AP3B2: variants seen among roughly 807,000 people sequenced by gnomAD.
AP3B2 encodes adaptor related protein complex 3 subunit beta 2, also known as AP-3 complex subunit beta-2.
AP3B2 carries 50 observed loss-of-function variants against 126.9 expected under a neutral mutation model. The observed-to-expected ratio is 0.39, with a 90% CI of 0.31 to 0.50. AP3B2 has a LOEUF of 0.50. Ranked by LOEUF, AP3B2 falls within the 20% of genes least tolerant of loss-of-function variation. The pLI, the probability that AP3B2 is intolerant of heterozygous loss-of-function variation, is 0.79. For synonymous variants in AP3B2, 541 were observed against 565.0 expected (o/e 0.96, Z 0.60); for missense variants, 1,177 against 1,426.4 (o/e 0.83, Z 2.82).
rs1227217372 is a variant in AP3B2 at position 82,663,824 on chromosome 15, G to A, written c.2413C>T (p.Pro805Ser). Reference sequence around the variant, plus strand: ...ACTGTTTTCCTGCTCCAGGAGGCAGGTTCTAACTGCTCCTCCTCGGACTCC... The same window carrying A: ...ACTGTTTTCCTGCTCCAGGAGGCAGATTCTAACTGCTCCTCCTCGGACTCC... ...TSESEEEQLE[P>S]ASWSRKTPPS... is the part of the protein sequence containing the mutation. Residue 805 changes from proline to serine, a missense_variant, in exon 20 of 27, where the codon CCT (proline) becomes TCT (serine). This residue lies in a region of AP3B2 where 587 missense variants were observed against 571.3 expected (regional missense o/e 1.03). Transcript: ENST00000535359. 3 of 1,613,574 alleles carry A rather than the reference G, an allele frequency of 1.9e-6. No individual in the cohort carries two copies. Among genetic ancestry groups the A allele is most frequent in the African/African-American group, 2.7e-5 (2 of 74,928 alleles).
rs2048318963 is a variant in AP3B2, at chr15:82,680,493, A to G, written c.1034T>C (p.Val345Ala). Residue 345 changes from valine (V) to alanine (A), a missense_variant, in exon 8 of 27, where the codon GTG becomes GCG. This residue lies in a region of AP3B2 where 308 missense variants were observed against 452.4 expected (regional missense o/e 0.68). Coordinates refer to ENST00000535359, the MANE Select transcript of AP3B2 (RefSeq NM_001278512.2). The surrounding 1 kb of genome is among the most constrained non-coding windows in gnomAD (Gnocchi z 6.1). ...GCACCTGTGGCTGCGCAGCAGGCGC[A>G]CCAGCGCCTTGGCGATGACGCCCAC... The part of the protein sequence containing the change: ...AEVGVIAKAL[V>A]RLLRSHSEVQ... 1 of 1,519,392 alleles carries G rather than the reference A, an allele frequency of 6.6e-7. No individual in the cohort carries two copies. The highest frequency in any genetic ancestry group is 8.8e-7 in the Non-Finnish European group (1 of 1,137,488). The allele number at this position is 1,519,392 out of a possible 1,614,324, so 94.1% of individuals were successfully genotyped here.
Position 82,680,354 on chromosome 15 carries a change from AGTGTG to A in AP3B2, c.1055+113_1055+117del, listed in dbSNP as rs1474997046. On this transcript the variant is annotated intron_variant, in intron 8 of 26. Coordinates refer to ENST00000535359, the MANE Select transcript of AP3B2 (RefSeq NM_001278512.2). This position sits in a 1 kb window ranked among gnomAD's most constrained non-coding sequence, Gnocchi z 6.1. ...CAGTGCGGAGGGCAGGACTACGGTC[AGTGTG>A]GAGCGGGTGGGCAGAGGTGGAAGCG... The A allele has an allele frequency of 2.0e-6, 3 of 1,497,234 alleles. No homozygotes were observed. The highest frequency in any genetic ancestry group is 2.7e-6 in the Non-Finnish European group (3 of 1,111,236). 92.7% of individuals were successfully genotyped at this position (1,497,234 alleles called of 1,614,324 possible).
intron 1 of AP3B2, among the ~76,000 whole-genome samples, chr15:82,708,105 G>GA: frequency 6.6e-6 from 1 of 152,190 alleles, no homozygotes; most frequent in Non-Finnish European, 1.5e-5. Flanking sequence ...TGAAGTAACT[G>GA]AAGAGTGAAA....
At chr15:82,679,984 C>T (rs2048305830) in intron 9 of AP3B2, among the ~76,000 whole-genome samples, 184 bp from the exon 10 acceptor site, 1 of 152,160 alleles carries the variant, frequency 6.6e-6, no homozygotes, top group African/African-American at 2.4e-5. Context: ...TGGACATCCC[C>T]TCAGCGGCCC....
chr15:82,692,747 G>C (rs1425355002), intron 1 of AP3B2: 1 of 152,298 alleles, frequency 6.6e-6, no homozygotes, highest in African/African-American at 2.4e-5. Flanking sequence ...AGCCAGACCT[G>C]TCACTGAACA....
rs2151428566 is a variant in AP3B2, at chr15:82,663,854, T to A, written c.2383A>T (p.Thr795Ser). The change falls in exon 20 of 27, where the codon ACA (threonine) becomes TCA (serine). Residue 795 changes from threonine to serine, a missense_variant. Thr to Ser is a moderately conservative substitution (Grantham distance 58). Coordinates refer to ENST00000535359, the MANE Select transcript of AP3B2 (RefSeq NM_001278512.2). ...AACTGCTCCTCCTCGGACTCCGATG[T>A]CATCTCGGACTCTGATGAGCTACTG... is the stretch of plus-strand genomic sequence containing the variant. The part of the protein sequence containing the change: ...SSSSSSESEM[T>S]SESEEEQLEP... 1 of 1,613,926 alleles carries A rather than the reference T, an allele frequency of 6.2e-7. No individual in the cohort carries two copies. Among genetic ancestry groups the A allele is most frequent in the East Asian group, 2.2e-5 (1 of 44,878 alleles).
At chr15:82,661,403 C>G (rs2047945451) in intron 25 of AP3B2, among the ~76,000 whole-genome samples, 1 of 152,220 alleles carries the variant, frequency 6.6e-6, no homozygotes, top group South Asian at 2.1e-4. Flanking sequence ...AGAGGTTTTG[C>G]AAATTACAGC....
chr15:82,688,682 C>T, intron 4 of AP3B2, 54 bp downstream of exon 4: 2 of 1,509,360 alleles, frequency 1.3e-6, no homozygotes, highest in Non-Finnish European at 9.1e-7. Context: ...GCCTACTCCT[C>T]CGATACAGCG....
Position 82,659,569 on chromosome 15 carries a change from C to T in AP3B2, c.3297G>A (p.Leu1099=). The T allele has an allele frequency of 1.9e-6, 3 of 1,613,794 alleles. No homozygotes were observed. Among genetic ancestry groups the T allele is most frequent in the Non-Finnish European group, 2.5e-6 (3 of 1,179,852 alleles). ...TCACAGCATTTGGAAGTCACTGGGT[C>T]AGAGCCTGTATCACATCCTTTACCA... ...TMLVKDVIQA[L]TQ is the part of the protein sequence containing the mutation. The change falls in exon 27 of 27, where the codon CTG becomes CTA. Residue 1099 remains leucine (L), a synonymous_variant. Coordinates refer to ENST00000535359, the MANE Select transcript of AP3B2 (RefSeq NM_001278512.2).
At chr15:82,698,508 C>T (rs1567274777) in intron 1 of AP3B2, among the ~76,000 whole-genome samples, 3 of 151,668 alleles carry the variant, frequency 2.0e-5, no homozygotes, top group Admixed American at 6.6e-5. Context: ...ACACACATGC[C>T]GCATCACATC....
Position 82,680,358 on chromosome 15 carries a change from T to G in AP3B2, c.1055+114A>C. On this transcript the variant is annotated intron_variant, in intron 8 of 26. Coordinates refer to ENST00000535359, the MANE Select transcript of AP3B2 (RefSeq NM_001278512.2). This position sits in a 1 kb window ranked among gnomAD's most constrained non-coding sequence, Gnocchi z 6.1. ...GCGGAGGGCAGGACTACGGTCAGTG[T>G]GGAGCGGGTGGGCAGAGGTGGAAGC... 8 of 1,487,166 alleles carry G rather than the reference T, an allele frequency of 5.4e-6. No individual in the cohort carries two copies. Among genetic ancestry groups the G allele is most frequent in the Non-Finnish European group, 7.2e-6 (8 of 1,107,142 alleles). 92.1% of individuals were successfully genotyped at this position (1,487,166 alleles called of 1,614,324 possible).
Position 82,664,262 on chromosome 15 carries a change from G to T in AP3B2, c.2261+105C>A. 6.4e-7 allele frequency: 1 copy of T among 1,562,392 alleles called. No homozygotes were observed. On this transcript the variant is annotated intron_variant, in intron 19 of 26. Transcript: ENST00000535359. The surrounding 1 kb of genome is among the most constrained non-coding windows in gnomAD (Gnocchi z 4.5). ...GAGCTGACAGCCCCACCCAGCTCACGAGGGGCTCAGGGGCTCTTAGGAGAC... is the reference window on the plus strand; with the variant it reads ...GAGCTGACAGCCCCACCCAGCTCACTAGGGGCTCAGGGGCTCTTAGGAGAC...
rs543132175 is a variant in AP3B2, at chr15:82,677,319, A to T, written c.1443T>A (p.His481Gln). ...TTGCCAAGTGTTTGATGATCTCTCCATGTTGTGCTGGCTGCATCTGTAGCA... is the reference window on the plus strand; with the variant it reads ...TTGCCAAGTGTTTGATGATCTCTCCTTGTTGTGCTGGCTGCATCTGTAGCA... The part of the protein sequence containing the change: ...KKLLQMQPAQ[H>Q]GEIIKHLAKL... The change falls in exon 13 of 27, where the codon CAT (histidine) becomes CAA (glutamine). Residue 481 changes from histidine (H) to glutamine (Q), a missense_variant. Transcript: ENST00000535359. The T allele has an allele frequency of 1.9e-6, 3 of 1,613,870 alleles. No individual in the cohort carries two copies. The highest frequency in any genetic ancestry group is 2.2e-5 in the South Asian group (2 of 91,040).
intron 14 of AP3B2, among the ~76,000 whole-genome samples, chr15:82,672,247 A>C (rs1435206225): frequency 3.9e-5 from 6 of 152,242 alleles, no homozygotes; most frequent in Admixed American, 1.3e-4. Flanking sequence ...AATACGGTAC[A>C]TATGCACAAT....
At position 82,681,213 on chromosome 15, in the gene AP3B2, C is replaced by G; in HGVS notation, c.522-35G>C. On this transcript the variant is annotated intron_variant, in intron 5 of 26. Transcript: ENST00000535359. The surrounding 1 kb of genome is among the most constrained non-coding windows in gnomAD (Gnocchi z 4.0). ...AAATCGGTGAGGGGAATTTGCCACT[C>G]TCAGCCCCAGCCTTCCCAATATCTG... 6.3e-7 allele frequency: 1 copy of G among 1,592,794 alleles called. No individual in the cohort carries two copies. The highest frequency in any genetic ancestry group is 8.5e-7 in the Non-Finnish European group (1 of 1,169,608).
At chr15:82,706,725 AT>A (rs1414737292) in intron 1 of AP3B2, among the ~76,000 whole-genome samples, 2 of 152,118 alleles carry the variant, frequency 1.3e-5, no homozygotes, top group African/African-American at 4.8e-5. Flanking sequence ...GGCCCATTCT[AT>A]TCTTTCGTCA....
Position 82,661,808 on chromosome 15 carries a change from T to G in AP3B2, c.3016+17A>C, listed in dbSNP as rs2047954982. 10 of 1,600,948 alleles carry G rather than the reference T, an allele frequency of 6.2e-6. No homozygotes were observed. The highest frequency in any genetic ancestry group is 8.5e-6 in the Non-Finnish European group (10 of 1,171,484). On this transcript the variant is annotated intron_variant, in intron 25 of 26. Coordinates refer to ENST00000535359, the MANE Select transcript of AP3B2 (RefSeq NM_001278512.2). The stretch of plus-strand genomic sequence containing the variant: ...CTTCTATACTTCCCTCTCTGCCCAC[T>G]CCCAGGGAGCACTCACCCTGTTCCT...
At position 82,701,852 on chromosome 15, in the gene AP3B2, C is replaced by A. The variant is rs1596198513; in HGVS notation, c.113+7742G>T. Among the ~76,000 whole-genome samples the A allele has an allele frequency of 3.9e-5, 6 of 152,312 alleles. 1 individual carries two copies. The highest frequency in any genetic ancestry group is 3.9e-4 in the Admixed American group (6 of 15,304). Reference sequence around the variant, plus strand: ...CTTTGCCAGAATTTATCTCCCAGGGCAGGAGGTGGGGAATAGAGTAGAAAG... The same window carrying A: ...CTTTGCCAGAATTTATCTCCCAGGGAAGGAGGTGGGGAATAGAGTAGAAAG... On this transcript the variant is annotated intron_variant, in intron 1 of 26. Coordinates refer to ENST00000535359, the MANE Select transcript of AP3B2 (RefSeq NM_001278512.2).
intron 15 of AP3B2, among the ~76,000 whole-genome samples, chr15:82,666,509 A>G (rs370717681): frequency 5.5e-4 from 84 of 152,336 alleles, no homozygotes; most frequent in African/African-American, 2.0e-3. Context: ...GAGAGGAGGC[A>G]CAAGTCCATC....
Sources: gnomAD v4.1 joint callset for allele counts (sites outside exome capture counted in the v4.1 genomes callset) on GRCh38, gnomAD v4.1.1 for gene constraint, gnomAD v4.1.1 regional missense constraint, Gnocchi (gnomAD v3.1) non-coding constraint, MANE v1.5 for transcripts, NCBI Gene and HGNC (gene_info 2026-07-23, HGNC 2026-07-21) for gene names.